Variants in HLCS observed in about 807,000 individuals in gnomAD.
The protein encoded by HLCS is holocarboxylase synthetase, also known as biotin--protein ligase.
In HLCS, 53 loss-of-function variants were observed where a neutral mutation model predicts 75.0. That is an observed-to-expected ratio of 0.71 (90% CI 0.57 to 0.89). HLCS has a LOEUF of 0.89. HLCS is among the 40% of genes least tolerant of loss of function. HLCS has a pLI of 0.00. For synonymous variants in HLCS, 431 were observed against 428.6 expected (o/e 1.01, Z -0.07); for missense variants, 966 against 1,074.0 (o/e 0.90, Z 1.41).
rs2089289388 is a variant in HLCS at position 36,749,226 on chromosome 21, A to C, written c.*5020T>G. 1 of 152,660 alleles carries C rather than the reference A, an allele frequency of 6.6e-6. No homozygotes were observed. Among genetic ancestry groups the C allele is most frequent in the Non-Finnish European group, 1.5e-5 (1 of 68,036 alleles). The allele number at this position is 152,660 out of a possible 1,614,324, so 9.5% of individuals were successfully genotyped here. On this transcript the variant is annotated 3_prime_UTR_variant, in exon 11 of 11. Coordinates refer to ENST00000674895, the MANE Select transcript of HLCS (RefSeq NM_001352514.2). ...GTTTTGCTTAAAGATCTCAACATGG[A>C]AAAATCCTGTCATGGCTCTGAACTG...
intron 5 of HLCS, among the ~76,000 whole-genome samples, chr21:36,902,019 G>A (rs928062072): frequency 6.6e-6 from 1 of 152,170 alleles, no homozygotes; most frequent in Non-Finnish European, 1.5e-5. Context: ...CAGTTTGGAA[G>A]GTTGGAAGAC....
At chr21:36,906,152 T>C (rs998632320) in intron 5 of HLCS, among the ~76,000 whole-genome samples, 1 of 151,662 alleles carries the variant, frequency 6.6e-6, no homozygotes, top group Non-Finnish European at 1.5e-5. Flanking sequence ...ATGGCATCAA[T>C]AGATCTGAAA....
intron 6 of HLCS, among the ~76,000 whole-genome samples, chr21:36,876,918 T>G (rs981846078): frequency 1.3e-5 from 2 of 152,248 alleles, no homozygotes; most frequent in African/African-American, 4.8e-5. Flanking sequence ...CATCATATAC[T>G]TTAAAGCTCT....
chr21:36,825,844 T>C lies in HLCS; in HGVS notation c.1893-58559A>G, dbSNP rs368975452. 2.6e-4 allele frequency among the ~76,000 whole-genome samples: 40 copies of C among 152,292 alleles called. 3 individuals carry two copies. The highest frequency in any genetic ancestry group is 1.6e-3 in the Admixed American group (25 of 15,304). On this transcript the variant is annotated intron_variant, in intron 6 of 10. Coordinates refer to ENST00000674895, the MANE Select transcript of HLCS (RefSeq NM_001352514.2). ...AAGACACCTGCTGGTGATATATGAC[T>C]TCAAACAATGAAGAGGGGACTAGAA...
intron 1 of HLCS, among the ~76,000 whole-genome samples, chr21:36,981,582 T>C (rs758328135): frequency 2.6e-5 from 4 of 152,006 alleles, no homozygotes; most frequent in African/African-American, 7.3e-5. Context: ...GTATTTTTAG[T>C]AGAGACAGTG....
At chr21:36,908,014 A>T (rs1317291567) in intron 5 of HLCS, among the ~76,000 whole-genome samples, 1 of 151,954 alleles carries the variant, frequency 6.6e-6, no homozygotes, top group Non-Finnish European at 1.5e-5. Flanking sequence ...GCCTGCAATG[A>T]GCTGTGAGCA....
At chr21:36,966,749 G>C (rs527930889), upstream of HLCS, 1 of 357,610 alleles carries the variant, frequency 2.8e-6, no homozygotes, top group Non-Finnish European at 3.9e-6. Context: ...AGGCGGCGCG[G>C]GGGTGGGGAC....
intron 5 of HLCS, among the ~76,000 whole-genome samples, chr21:36,927,281 T>A (rs1318587380): frequency 6.6e-6 from 1 of 152,222 alleles, no homozygotes; most frequent in African/African-American, 2.4e-5. Flanking sequence ...GAGCCACACA[T>A]GACTGGGTTT....
intron 6 of HLCS, among the ~76,000 whole-genome samples, chr21:36,838,690 C>T (rs1447386363): frequency 4.2e-5 from 6 of 144,244 alleles, no homozygotes; most frequent in Non-Finnish European, 9.0e-5. Context: ...GGCGACAGAG[C>T]GAGACTCCGT....
intron 1 of HLCS, among the ~76,000 whole-genome samples, chr21:36,986,382 G>C (rs58296537): frequency 0.26 from 39,700 of 152,160 alleles, 5,313 homozygotes; most frequent in South Asian, 0.35. Flanking sequence ...CCACCTGAAT[G>C]AGTCATGACT....
At chr21:36,840,523 A>T (rs1313317899) in intron 6 of HLCS, among the ~76,000 whole-genome samples, 1 of 152,232 alleles carries the variant, frequency 6.6e-6, no homozygotes, top group Non-Finnish European at 1.5e-5. Context: ...TTTTAAAACT[A>T]AGTAGTGACA....
At chr21:36,878,398 A>G (rs1343532891) in intron 6 of HLCS, among the ~76,000 whole-genome samples, 1 of 152,170 alleles carries the variant, frequency 6.6e-6, no homozygotes, top group African/African-American at 2.4e-5. Flanking sequence ...GAAACATACA[A>G]TTCTAATTTT....
At chr21:36,874,334 G>A (rs2063879274) in intron 6 of HLCS, among the ~76,000 whole-genome samples, 1 of 151,730 alleles carries the variant, frequency 6.6e-6, no homozygotes, top group African/African-American at 2.4e-5. Flanking sequence ...CCCAGGAGGT[G>A]GAGCTTGCAG....
intron 6 of HLCS, among the ~76,000 whole-genome samples, chr21:36,794,255 G>A (rs954703106): frequency 9.2e-5 from 14 of 152,230 alleles, no homozygotes; most frequent in South Asian, 2.1e-4. Flanking sequence ...TGTGCAAGGC[G>A]GTGGGAGAGA....
At chr21:36,878,243 T>A (rs1296575257) in intron 6 of HLCS, among the ~76,000 whole-genome samples, 2 of 152,196 alleles carry the variant, frequency 1.3e-5, no homozygotes, top group Non-Finnish European at 2.9e-5. Context: ...GTTTATTTTT[T>A]AAATCTTTTT....
chr21:36,844,618 T>C (rs1412302684), intron 6 of HLCS, among the ~76,000 whole-genome samples: 1 of 152,010 alleles, frequency 6.6e-6, no homozygotes, highest in Non-Finnish European at 1.5e-5. Context: ...CTTGTATGTG[T>C]GAACATCTTT....
intron 6 of HLCS, among the ~76,000 whole-genome samples, chr21:36,860,995 A>G (rs535968283): frequency 6.6e-6 from 1 of 152,288 alleles, no homozygotes; most frequent in Admixed American, 6.5e-5. Flanking sequence ...CATTTTCTCA[A>G]TTTTTCACCT....
In HLCS at chr21:36,910,129, G is replaced by A. The variant is rs935418599; in HGVS notation, c.1621-12998C>T. 1.3e-3 allele frequency among the ~76,000 whole-genome samples: 202 copies of A among 152,276 alleles called. 1 individual carries two copies. The highest frequency in any genetic ancestry group is 1.9e-4 in the Non-Finnish European group (13 of 68,022). Reference sequence around the variant, plus strand: ...TCTACTCGTATGGAATTTATATGACGCAATCCAATTCTTACTATTGGTATT... The same window carrying A: ...TCTACTCGTATGGAATTTATATGACACAATCCAATTCTTACTATTGGTATT... On this transcript the variant is annotated intron_variant, in intron 5 of 10. Coordinates refer to ENST00000674895, the MANE Select transcript of HLCS (RefSeq NM_001352514.2).
intron 6 of HLCS, among the ~76,000 whole-genome samples, chr21:36,790,438 G>C (rs1035500319): frequency 6.6e-6 from 1 of 152,148 alleles, no homozygotes; most frequent in Non-Finnish European, 1.5e-5. Context: ...AAACATTTTG[G>C]TGTGTGTGTT....
Sources: allele counts gnomAD v4.1 joint callset (sites outside exome capture counted in the v4.1 genomes callset), GRCh38; gene constraint gnomAD v4.1.1; transcripts MANE v1.5; gene names NCBI Gene and HGNC (gene_info 2026-07-23, HGNC 2026-07-21).